The following GSE1 variants were observed in gnomAD, a reference collection of about 807,000 sequenced individuals.
GSE1 encodes genetic suppressor element 1.
GSE1 carries 32 observed loss-of-function variants against 112.6 expected under a neutral mutation model. The ratio of observed to expected loss-of-function variants is 0.28; its 90% CI spans 0.21 to 0.38. The LOEUF (loss-of-function observed/expected upper bound fraction) is 0.38. Among genes scored for constraint, GSE1 ranks in the 10% least tolerant of loss-of-function variants. GSE1 has a pLI of 1.00. For missense variants in GSE1, 2,348 were observed against 1,699.2 expected, an observed-to-expected ratio of 1.38 and a Z score of -6.71; for synonymous variants, 1,115 against 735.6, an observed-to-expected ratio of 1.52 and a Z score of -8.35.
Position 85,558,982 on chromosome 16 carries a change from C to T in GSE1, c.37+2619C>T, listed in dbSNP as rs183076470. On this transcript the variant is annotated intron_variant, in intron 1 of 2. Coordinates refer to the GSE1 transcript ENST00000635906. ...AAGAGGTTCTCCTGCCTCAGCCTCCCGAGTAGCTGGTATTACAGACACCCA... is the reference window on the plus strand; with the variant it reads ...AAGAGGTTCTCCTGCCTCAGCCTCCTGAGTAGCTGGTATTACAGACACCCA... 5.0e-3 allele frequency among the ~76,000 whole-genome samples: 757 copies of T among 152,208 alleles called. 17 individuals are homozygous for T. Among genetic ancestry groups the T allele is most frequent in the Non-Finnish European group, 2.1e-3 (141 of 68,018 alleles).
At chr16:85,298,445 T>A (rs2045427622) in intron 1 of GSE1, among the ~76,000 whole-genome samples, 1 of 152,162 alleles carries the variant, frequency 6.6e-6, no homozygotes, top group East Asian at 1.9e-4. Context: ...TTATTGTTAT[T>A]TTGAGATGGA....
intron 1 of GSE1, among the ~76,000 whole-genome samples, chr16:85,291,799 C>G (rs868266837): frequency 6.6e-6 from 1 of 152,220 alleles, no homozygotes. Flanking sequence ...GGCCCATAAC[C>G]TCCTGGTTGT....
At chr16:85,472,363 G>GGC (rs1355059315) in intron 2 of GSE1, among the ~76,000 whole-genome samples, 2 of 152,166 alleles carry the variant, frequency 1.3e-5, no homozygotes, top group Non-Finnish European at 2.9e-5. Flanking sequence ...GGTAGCTCCG[G>GGC]GCGTTCCTTG....
chr16:85,476,460 C>A (rs113384472), intron 2 of GSE1, among the ~76,000 whole-genome samples: 6 of 152,204 alleles, frequency 3.9e-5, no homozygotes, highest in African/African-American at 1.4e-4. Context: ...CTCACGTCTG[C>A]TTTAAACTCC....
At chr16:85,420,728 A>G (rs2048821311) in intron 2 of GSE1, among the ~76,000 whole-genome samples, 1 of 152,206 alleles carries the variant, frequency 6.6e-6, no homozygotes, top group Non-Finnish European at 1.5e-5. Context: ...GCTAGCCAGC[A>G]GCTGCCTTCC....
intron 1 of GSE1, among the ~76,000 whole-genome samples, chr16:85,566,154 G>T (rs950224263): frequency 6.6e-6 from 1 of 152,182 alleles, no homozygotes. Context: ...TTACCATTTG[G>T]GTTGATAGCT....
intron 6 of GSE1, 37 bp downstream of exon 6, chr16:85,655,954 C>T (rs1207595847): frequency 3.3e-6 from 5 of 1,530,154 alleles, no homozygotes; most frequent in Non-Finnish European, 8.9e-7. Flanking sequence ...CCTCTGCCCT[C>T]CCTGTCCCTT....
At chr16:85,379,555 T>A (rs761515730) in intron 2 of GSE1, among the ~76,000 whole-genome samples, 21 of 152,198 alleles carry the variant, frequency 1.4e-4, no homozygotes, top group Non-Finnish European at 2.2e-4. Flanking sequence ...TCAGGTCTCC[T>A]GGGACCCCTG....
chr16:85,332,735 T>G (rs890134408), intron 1 of GSE1, among the ~76,000 whole-genome samples: 15 of 152,168 alleles, frequency 9.9e-5, no homozygotes, highest in African/African-American at 3.4e-4. Context: ...GAAACACCAG[T>G]TCGGCCTCTT....
chr16:85,188,633 C>G (rs1011483318), intron 1 of GSE1, among the ~76,000 whole-genome samples: 1 of 151,872 alleles, frequency 6.6e-6, no homozygotes, highest in Non-Finnish European at 1.5e-5. Flanking sequence ...AAGACGCCAT[C>G]TCTACAAAAA....
chr16:85,333,113 GA>G (rs149026552), intron 1 of GSE1, among the ~76,000 whole-genome samples: 1,558 of 152,240 alleles, frequency 0.01, 18 homozygotes, highest in African/African-American at 0.036. Context: ...CAGGGCTGCA[GA>G]GCTGGGAGGT....
At chr16:85,444,008 C>T (rs1169104846) in intron 2 of GSE1, among the ~76,000 whole-genome samples, 2 of 74,032 alleles carry the variant, frequency 2.7e-5, no homozygotes, top group African/African-American at 4.7e-5. Context: ...TTTTTTGAGA[C>T]GGAGTCTTGA....
At chr16:85,552,318 C>CTCAGT (rs1415247732), upstream of GSE1, among the ~76,000 whole-genome samples, 133 of 108,746 alleles carry the variant, frequency 1.2e-3, no homozygotes, top group East Asian at 1.9e-3. Context: ...AACCACCGCA[C>CTCAGT]CCGCCCCTCC....
intron 1 of GSE1, among the ~76,000 whole-genome samples, chr16:85,229,930 G>T (rs1170453745): frequency 6.6e-6 from 1 of 152,192 alleles, no homozygotes; most frequent in Non-Finnish European, 1.5e-5. Context: ...GGAAGAAAGT[G>T]TCTCCCAGGA....
intron 1 of GSE1, among the ~76,000 whole-genome samples, chr16:85,189,221 A>G (rs1339842777): frequency 6.6e-6 from 1 of 152,228 alleles, no homozygotes; most frequent in East Asian, 1.9e-4. Flanking sequence ...TGACCTAGAC[A>G]CTTATCTGTA....
At chr16:85,598,167 G>GTTTTTTT (rs973836177) in intron 1 of GSE1, among the ~76,000 whole-genome samples, 21 of 71,550 alleles carry the variant, frequency 2.9e-4, no homozygotes, top group African/African-American at 3.3e-4. Flanking sequence ...AGGTTTGGTT[G>GTTTTTTT]TTTTTTTTTT....
chr16:85,169,899 A>C (rs1488003240), exon 1 of GSE1: 19 of 984,088 alleles, frequency 1.9e-5, no homozygotes, highest in Admixed American at 6.2e-5. Context: ...ACGCGGGCGC[A>C]GGCGGCCGCC....
intron 2 of GSE1, among the ~76,000 whole-genome samples, chr16:85,637,065 C>T (rs906631521): frequency 2.0e-5 from 3 of 152,172 alleles, no homozygotes; most frequent in African/African-American, 4.8e-5. Flanking sequence ...TAAAATTCAC[C>T]CTGTAGAAGC....
intron 2 of GSE1, among the ~76,000 whole-genome samples, chr16:85,414,027 T>C (rs891962461): frequency 1.3e-5 from 2 of 152,208 alleles, no homozygotes; most frequent in Admixed American, 6.5e-5. Context: ...TCCCCAGCCA[T>C]GCAGAACTGT....
Sources: allele counts gnomAD v4.1 joint callset (sites outside exome capture counted in the v4.1 genomes callset), GRCh38; gene constraint gnomAD v4.1.1; transcripts MANE v1.5; gene names NCBI Gene and HGNC (gene_info 2026-07-23, HGNC 2026-07-21).